PRKCA: variants seen among roughly 807,000 people sequenced by gnomAD.
The protein encoded by PRKCA is protein kinase C alpha type.
Under a neutral mutation model 87.0 loss-of-function variants are expected in PRKCA, and 27 were observed. That is an observed-to-expected ratio of 0.31 (90% CI 0.23 to 0.43). The LOEUF is 0.43. Ranked by LOEUF, PRKCA falls within the 20% of genes least tolerant of loss-of-function variation. The pLI, the probability that PRKCA is intolerant of heterozygous loss-of-function variation, is 1.00. For missense variants in PRKCA, 518 were observed against 852.3 expected (o/e 0.61, Z 4.88); for synonymous variants, 329 against 311.1 (o/e 1.06, Z -0.61).
At chr17:66,613,731 C>T (rs191471918) in intron 3 of PRKCA, among the ~76,000 whole-genome samples, 12 of 147,968 alleles carry the variant, frequency 8.1e-5, no homozygotes, top group Middle Eastern at 6.8e-3. Context: ...CTTGTAAGGA[C>T]ACCAGTCATT....
At chr17:66,611,292 A>T (rs901638436) in intron 3 of PRKCA, among the ~76,000 whole-genome samples, 1 of 152,194 alleles carries the variant, frequency 6.6e-6, no homozygotes, top group African/African-American at 2.4e-5. Flanking sequence ...ATCTAATTTT[A>T]GGATATATTC....
intron 2 of PRKCA, among the ~76,000 whole-genome samples, chr17:66,423,886 C>T (rs930013051): frequency 1.3e-5 from 2 of 148,544 alleles, no homozygotes; most frequent in South Asian, 2.1e-4. Context: ...TCCATTCCAC[C>T]GTGAATCCTT....
At chr17:66,456,084 G>A (rs1179775782) in intron 2 of PRKCA, among the ~76,000 whole-genome samples, 1 of 151,900 alleles carries the variant, frequency 6.6e-6, no homozygotes, top group East Asian at 1.9e-4. Flanking sequence ...AGATTGGAAC[G>A]ATGCATCTAC....
At chr17:66,679,497 A>G (rs950553409) in intron 5 of PRKCA, among the ~76,000 whole-genome samples, 2 of 152,276 alleles carry the variant, frequency 1.3e-5, no homozygotes, top group African/African-American at 4.8e-5. Context: ...ACACCTTTAA[A>G]TCAGGTGCAG....
intron 3 of PRKCA, among the ~76,000 whole-genome samples, chr17:66,617,350 A>C (rs892972101): frequency 6.6e-6 from 1 of 152,098 alleles, no homozygotes; most frequent in Non-Finnish European, 1.5e-5. Context: ...TATTCTTCAG[A>C]AGGGCCTTGG....
At position 66,792,280 on chromosome 17, in the gene PRKCA, G is replaced by A. The variant is rs73333207; in HGVS notation, c.1854+3301G>A. ...TTGCTTACTACCAAATACCAGTAGC[G>A]GGACTTCAGGTTCTCACAGTTATTT... On this transcript the variant is annotated intron_variant, in intron 16 of 16. Transcript: ENST00000413366. This position sits in a 1 kb window ranked among gnomAD's most constrained non-coding sequence, Gnocchi z 4.5. Among the ~76,000 whole-genome samples the A allele has an allele frequency of 0.013, 1,974 of 152,292 alleles. 43 individuals carry two copies. Among genetic ancestry groups the A allele is most frequent in the African/African-American group, 0.045 (1,858 of 41,548 alleles).
intron 9 of PRKCA, 63 bp downstream of exon 9, chr17:66,732,888 T>C: frequency 6.4e-7 from 1 of 1,574,352 alleles, no homozygotes; most frequent in Non-Finnish European, 8.6e-7. Context: ...TCAGTTTTGT[T>C]CTCCTCGTAG....
intron 3 of PRKCA, among the ~76,000 whole-genome samples, chr17:66,575,871 T>C (rs939473746): frequency 2.0e-5 from 3 of 152,072 alleles, no homozygotes; most frequent in African/African-American, 7.2e-5. Context: ...ATCCCAGCAC[T>C]TTGGGAGGCC....
intron 3 of PRKCA, among the ~76,000 whole-genome samples, chr17:66,631,074 C>T (rs756543731): frequency 2.0e-5 from 3 of 152,036 alleles, no homozygotes; most frequent in Admixed American, 1.3e-4. Flanking sequence ...TCTTTTTTTC[C>T]TCTGCTGTGA....
At position 66,760,743 on chromosome 17, in the gene PRKCA, A is replaced by G. The variant is rs1034075012; in HGVS notation, c.1525-13244A>G. On this transcript the variant is annotated intron_variant, in intron 13 of 16. Transcript: ENST00000413366. ...TAAAGGATGATAAACAAACACCAGC[A>G]TGGAAAACTACAGACTAATACCTCT... Among the ~76,000 whole-genome samples the G allele has an allele frequency of 7.2e-5, 11 of 152,254 alleles. No individual in the cohort carries two copies. In the South Asian group the frequency reaches 8.3e-4, roughly 11 times the overall value.
rs1026829189 is a variant in PRKCA, at chr17:66,332,291, G to T, written c.205+26164G>T. Among the ~76,000 whole-genome samples the T allele has an allele frequency of 2.1e-5, 3 of 145,330 alleles. No homozygotes were observed. In the South Asian group the frequency reaches 6.5e-4, roughly 32 times the overall value. On this transcript the variant is annotated intron_variant, in intron 2 of 16. Coordinates refer to ENST00000413366, the MANE Select transcript of PRKCA (RefSeq NM_002737.3). ...TGCCCAGGCTGGAGTGCAGTGGCAC[G>T]ATCTCAGCTCACTGCAACCTCTGCC... is the stretch of plus-strand genomic sequence containing the variant.
chr17:66,603,443 A>G (rs1301687661), intron 3 of PRKCA, among the ~76,000 whole-genome samples: 1 of 152,206 alleles, frequency 6.6e-6, no homozygotes, highest in Non-Finnish European at 1.5e-5. Flanking sequence ...GGTCCTTTTT[A>G]TATACAAACG....
chr17:66,343,504 T>C (rs1859771686), intron 2 of PRKCA, among the ~76,000 whole-genome samples: 1 of 152,118 alleles, frequency 6.6e-6, no homozygotes, highest in Admixed American at 6.6e-5. Context: ...AAGCTGGTTT[T>C]GTTATGATCA....
At chr17:66,603,500 G>A (rs1221072781) in intron 3 of PRKCA, among the ~76,000 whole-genome samples, 5 of 152,130 alleles carry the variant, frequency 3.3e-5, no homozygotes, top group African/African-American at 7.2e-5. Context: ...ACAGCAAAGC[G>A]AGCACTCGGA....
intron 2 of PRKCA, among the ~76,000 whole-genome samples, chr17:66,339,161 G>A (rs1302689033): frequency 6.6e-6 from 1 of 152,162 alleles, no homozygotes; most frequent in Non-Finnish European, 1.5e-5. Flanking sequence ...AGAGATAGAG[G>A]ATGGCTGGTT....
chr17:66,366,821 G>A (rs376713558), intron 2 of PRKCA, among the ~76,000 whole-genome samples: 6 of 152,114 alleles, frequency 3.9e-5, no homozygotes, highest in African/African-American at 1.4e-4. Flanking sequence ...TATGATTTAA[G>A]TTAGAGACAA....
At chr17:66,328,625 C>T (rs1906135298) in intron 2 of PRKCA, among the ~76,000 whole-genome samples, 2 of 151,992 alleles carry the variant, frequency 1.3e-5, no homozygotes, top group South Asian at 4.1e-4. Context: ...TGGGGAAACC[C>T]TGTCTCTACT....
chr17:66,597,953 G>C (rs1373066670), intron 3 of PRKCA, among the ~76,000 whole-genome samples: 83 of 48,494 alleles, frequency 1.7e-3, no homozygotes, highest in African/African-American at 2.5e-3. Context: ...CTCTGTTTTG[G>C]TACCAGTACC....
chr17:66,528,340 C>T (rs1268945033), intron 3 of PRKCA, among the ~76,000 whole-genome samples: 1 of 151,878 alleles, frequency 6.6e-6, no homozygotes, highest in Non-Finnish European at 1.5e-5. Context: ...CTGAAGATAT[C>T]CATGTCCTAA....
Sources: gnomAD v4.1 joint callset for allele counts (sites outside exome capture counted in the v4.1 genomes callset) on GRCh38, gnomAD v4.1.1 for gene constraint, Gnocchi (gnomAD v3.1) non-coding constraint, MANE v1.5 for transcripts, NCBI Gene and HGNC (gene_info 2026-07-23, HGNC 2026-07-21) for gene names.